TNFAIP8: variants seen among roughly 807,000 people sequenced by gnomAD.
The protein encoded by TNFAIP8 is TNF alpha induced protein 8.
Under a neutral mutation model 13.3 loss-of-function variants are expected in TNFAIP8, and 7 were observed. The ratio of observed to expected loss-of-function variants is 0.52; its 90% CI spans 0.30 to 0.99. The LOEUF (loss-of-function observed/expected upper bound fraction) is 0.99. TNFAIP8 is among the 50% of genes least tolerant of loss of function. The pLI is 0.07. For synonymous variants in TNFAIP8, 94 were observed against 87.6 expected (o/e 1.07, Z -0.41); for missense variants, 258 against 236.9 (o/e 1.09, Z -0.58).
At chr5:119,270,539 G>A (rs1748261716) in intron 1 of TNFAIP8, among the ~76,000 whole-genome samples, 1 of 152,228 alleles carries the variant, frequency 6.6e-6, no homozygotes, top group Admixed American at 6.5e-5. Flanking sequence ...TGGGACTACA[G>A]GGGCCCACAA....
At chr5:119,391,935 A>G (rs188304305) in intron 1 of TNFAIP8, among the ~76,000 whole-genome samples, 1 of 152,356 alleles carries the variant, frequency 6.6e-6, no homozygotes. Context: ...AGCCATTATT[A>G]TGTATATTGT....
intron 1 of TNFAIP8, among the ~76,000 whole-genome samples, chr5:119,343,041 G>T (rs1030659630): frequency 6.6e-6 from 1 of 152,194 alleles, no homozygotes; most frequent in African/African-American, 2.4e-5. Flanking sequence ...GTGGGCAGCC[G>T]CTGCTGGTGT....
At chr5:119,391,265 A>C (rs940030521) in intron 1 of TNFAIP8, 33 of 631,068 alleles carry the variant, frequency 5.2e-5, no homozygotes, top group Admixed American at 4.9e-4. Context: ...CAAACTAGAA[A>C]TAATCTTATA....
chr5:119,355,626 C>T (rs959010203), upstream of TNFAIP8: 5 of 493,032 alleles, frequency 1.0e-5, no homozygotes, highest in African/African-American at 8.0e-5. Flanking sequence ...ATTGGTTCTA[C>T]CCTATATGCA....
chr5:119,286,254 C>A (rs373038735), intron 1 of TNFAIP8, among the ~76,000 whole-genome samples: 1 of 152,138 alleles, frequency 6.6e-6, no homozygotes, highest in Non-Finnish European at 1.5e-5. Flanking sequence ...CCTTTACTAT[C>A]CTCTTCTCAA....
intron 1 of TNFAIP8, among the ~76,000 whole-genome samples, chr5:119,274,902 T>C (rs1030798580): frequency 6.6e-6 from 1 of 152,222 alleles, no homozygotes; most frequent in Non-Finnish European, 1.5e-5. Flanking sequence ...CCAGTGAAGC[T>C]TGATGCAAAT....
intron 1 of TNFAIP8, among the ~76,000 whole-genome samples, chr5:119,300,167 C>T (rs960416598): frequency 1.3e-5 from 2 of 152,188 alleles, no homozygotes; most frequent in Non-Finnish European, 2.9e-5. Context: ...CCTGGTACCT[C>T]AGATGGAAAT....
chr5:119,356,244 C>A, intron 1 of TNFAIP8, 123 bp downstream of exon 1: 2 of 838,790 alleles, frequency 2.4e-6, no homozygotes, highest in Non-Finnish European at 3.5e-6. Context: ...TTGCCCTGCG[C>A]CTTCGAAGCC....
At chr5:119,309,602 G>A (rs1201724696) in intron 1 of TNFAIP8, among the ~76,000 whole-genome samples, 2 of 152,156 alleles carry the variant, frequency 1.3e-5, no homozygotes, top group East Asian at 1.9e-4. Context: ...AGAAGAGCAG[G>A]GTGGGTAGTT....
At position 119,395,079 on chromosome 5, in the gene TNFAIP8, A is replaced by G. The variant is rs1753042485; in HGVS notation, c.*1698A>G. On this transcript the variant is annotated 3_prime_UTR_variant, in exon 2 of 2. Transcript: ENST00000504771. ...CTCTGACACCCTCATTTGCTTGGCT[A>G]AGACAAGCAGCAAAGGTGTAGAGTT... 6.6e-6 allele frequency: 1 copy of G among 152,192 alleles called. No homozygotes were observed. Among genetic ancestry groups the G allele is most frequent in the Non-Finnish European group, 1.5e-5 (1 of 68,026 alleles). The allele number at this position is 152,192 out of a possible 1,614,324, so 9.4% of individuals were successfully genotyped here. A position where few individuals can be genotyped will look rare whatever the true frequency, so the allele number is the denominator to read the frequency against.
At chr5:119,268,815 A>T in exon 1 of TNFAIP8, 2 of 699,538 alleles carry the variant, frequency 2.9e-6, no homozygotes, top group Non-Finnish European at 2.6e-6. Flanking sequence ...GTCCGCGGGA[A>T]CCCGTGAGCC....
At chr5:119,356,770 A>G (rs1509142) in intron 1 of TNFAIP8, among the ~76,000 whole-genome samples, 115,281 of 151,880 alleles carry the variant, frequency 0.76, 44,737 homozygotes, top group African/African-American at 0.93. Flanking sequence ...AACAGAGAAC[A>G]GGTGACAGGG....
At chr5:119,348,880 CAAAAAA>C (rs60633145) in intron 1 of TNFAIP8, among the ~76,000 whole-genome samples, 1 of 90,952 alleles carries the variant, frequency 1.1e-5, no homozygotes, top group Non-Finnish European at 2.5e-5. Flanking sequence ...AACTCCATCT[CAAAAAA>C]AAAAAAAAAA....
At chr5:119,356,358 A>G (rs763603402) in intron 1 of TNFAIP8, among the ~76,000 whole-genome samples, 1 of 152,172 alleles carries the variant, frequency 6.6e-6, no homozygotes, top group Non-Finnish European at 1.5e-5. Flanking sequence ...TAGTTCAGCC[A>G]GCCCACTAAG....
intron 1 of TNFAIP8, among the ~76,000 whole-genome samples, chr5:119,343,181 A>G (rs957322368): frequency 2.6e-5 from 4 of 152,318 alleles, no homozygotes; most frequent in African/African-American, 9.6e-5. Context: ...GATAAGCACA[A>G]TCCATTAATT....
chr5:119,355,851 G>T (rs1245479849), upstream of TNFAIP8: 18 of 1,077,680 alleles, frequency 1.7e-5, no homozygotes, highest in Non-Finnish European at 2.0e-5. Context: ...CGGCCCGAGC[G>T]CGCGGCTCCG....
intron 1 of TNFAIP8, among the ~76,000 whole-genome samples, chr5:119,359,872 C>G (rs1450932263): frequency 6.6e-6 from 1 of 152,196 alleles, no homozygotes; most frequent in Non-Finnish European, 1.5e-5. Context: ...ACAGCATATG[C>G]TCTTAAACAC....
chr5:119,309,934 C>T (rs568407651), intron 1 of TNFAIP8, among the ~76,000 whole-genome samples: 4 of 152,296 alleles, frequency 2.6e-5, no homozygotes, highest in Non-Finnish European at 5.9e-5. Context: ...TGTTTTCCCA[C>T]TGAAAATGGG....
chr5:119,316,853 A>G (rs987921493), intron 1 of TNFAIP8, among the ~76,000 whole-genome samples: 2 of 152,174 alleles, frequency 1.3e-5, no homozygotes, highest in African/African-American at 2.4e-5. Flanking sequence ...AATTTTAGCA[A>G]ACTGGGAGGG....
Sources: allele counts gnomAD v4.1 joint callset (sites outside exome capture counted in the v4.1 genomes callset), GRCh38; gene constraint gnomAD v4.1.1; transcripts MANE v1.5; gene names NCBI Gene and HGNC (gene_info 2026-07-23, HGNC 2026-07-21).